Variants in MAP4 observed in about 807,000 individuals in gnomAD.
MAP4 encodes microtubule associated protein 4.
MAP4 carries 76 observed loss-of-function variants against 170.2 expected under a neutral mutation model. The observed-to-expected ratio is 0.45, with a 90% CI of 0.37 to 0.54. The LOEUF (loss-of-function observed/expected upper bound fraction) is 0.54, where lower values mean the gene tolerates loss of function less well. Ranked by LOEUF, MAP4 falls within the 20% of genes least tolerant of loss-of-function variation. MAP4 has a pLI of 0.00. For missense variants in MAP4, 2,506 were observed against 2,748.0 expected, an observed-to-expected ratio of 0.91 and a Z score of 1.97; for synonymous variants, 909 against 994.5, an observed-to-expected ratio of 0.91 and a Z score of 1.62.
At chr3:48,059,293 T>C (rs77875715) in intron 1 of MAP4, among the ~76,000 whole-genome samples, 2,601 of 151,602 alleles carry the variant, frequency 0.017, 65 homozygotes, top group African/African-American at 0.05. Flanking sequence ...GGTGGGGAGA[T>C]TGCCTGAGCT....
intron 2 of MAP4, among the ~76,000 whole-genome samples, chr3:47,979,122 T>C (rs899512979): frequency 3.9e-5 from 6 of 152,128 alleles, no homozygotes; most frequent in African/African-American, 1.4e-4. Context: ...TTACATTTCA[T>C]ATTGAGGCCT....
intron 3 of MAP4, among the ~76,000 whole-genome samples, chr3:47,937,973 T>TTTA (rs942732322): frequency 1.3e-5 from 2 of 151,458 alleles, no homozygotes; most frequent in African/African-American, 2.4e-5. Flanking sequence ...TTTTTCTTCT[T>TTTA]TTATTATTAT....
At chr3:47,857,599 T>TAAA in intron 17 of MAP4, 87 bp from the exon 18 acceptor site, 1 of 895,936 alleles carries the variant, frequency 1.1e-6, no homozygotes, top group South Asian at 1.4e-5. Flanking sequence ...CTTCTCCATG[T>TAAA]TCAGGGTTTC....
At chr3:47,902,881 G>A in intron 10 of MAP4, 69 bp downstream of exon 10, 1 of 636,844 alleles carries the variant, frequency 1.6e-6, no homozygotes, top group Non-Finnish European at 2.0e-6. Context: ...TTATGTACAA[G>A]GGCCTTGAAA....
In MAP4 at chr3:48,050,258, C is replaced by CA. The variant is rs11345368; in HGVS notation, c.-20+38514dup. ...CTGGCAAAAGAGCGAGACTCCATCT[C>CA]AAAAAAAAAAAAAAAATAGTAAAGT... is the stretch of plus-strand genomic sequence containing the variant. On this transcript the variant is annotated intron_variant, in intron 1 of 18. Coordinates refer to the MAP4 transcript ENST00000360240. Among the ~76,000 whole-genome samples the CA allele has an allele frequency of 3.2e-3, 384 of 120,568 alleles. 3 individuals carry two copies. Among genetic ancestry groups the CA allele is most frequent in the African/African-American group, 0.011 (316 of 30,018 alleles). 79.1% of individuals were successfully genotyped at this position (120,568 alleles called of 152,430 possible).
chr3:47,896,724 C>T (rs963888451), intron 10 of MAP4, among the ~76,000 whole-genome samples: 1 of 152,146 alleles, frequency 6.6e-6, no homozygotes, highest in African/African-American at 2.4e-5. Context: ...AAAACAACCA[C>T]TACTACTCAC....
At chr3:48,069,832 T>C (rs576622369) in intron 1 of MAP4, among the ~76,000 whole-genome samples, 8 of 152,346 alleles carry the variant, frequency 5.3e-5, no homozygotes, top group Non-Finnish European at 8.8e-5. Context: ...TCAGAGAACC[T>C]CATTATCGGT....
At position 48,055,585 on chromosome 3, in the gene MAP4, CT is replaced by C. The variant is rs1441535731; in HGVS notation, c.-20+33187del. On this transcript the variant is annotated intron_variant, in intron 1 of 18. Coordinates refer to the MAP4 transcript ENST00000360240. The stretch of plus-strand genomic sequence containing the variant: ...ACACCTCCCAGCCGCCTGCCTTGGC[CT>C]CCCAAAGTGCCGAGATTGCAGCCTC... 1.2e-3 allele frequency among the ~76,000 whole-genome samples: 160 copies of C among 137,920 alleles called. 3 individuals carry two copies. The highest frequency in any genetic ancestry group is 1.6e-4 in the Non-Finnish European group (10 of 63,226). The allele number at this position is 137,920 out of a possible 152,430, so 90.5% of individuals were successfully genotyped here. A position where few individuals can be genotyped will look rare whatever the true frequency, so the allele number is the denominator to read the frequency against.
At chr3:48,011,356 C>G (rs2100105152) in intron 1 of MAP4, among the ~76,000 whole-genome samples, 1 of 152,048 alleles carries the variant, frequency 6.6e-6, no homozygotes, top group East Asian at 1.9e-4. Context: ...CAGTAAAACC[C>G]TATCTCTACT....
rs1362946635 is a variant in MAP4, at chr3:47,911,942, A to T, written c.2479T>A (p.Ser827Thr). ...CATTCCCTTTTCAAGTTTTCTCCAG[A>T]TACAAGTCCATATTCTGTACCCATA... ...TTMGTEYGLV[S>T]GENLKRECLV... Residue 827 changes from serine to threonine, a missense_variant, in exon 9 of 21, where the codon TCT becomes ACT. By Grantham distance (58) the Ser-to-Thr change is moderately conservative. Transcript: ENST00000683076. This position sits in a 1 kb window ranked among gnomAD's most constrained non-coding sequence, Gnocchi z 4.0. The T allele has an allele frequency of 6.5e-7, 1 of 1,536,092 alleles. No homozygotes were observed. Among genetic ancestry groups the T allele is most frequent in the East Asian group, 2.4e-5 (1 of 40,928 alleles).
At chr3:48,073,385 T>G (rs1218210569) in intron 1 of MAP4, among the ~76,000 whole-genome samples, 1 of 148,472 alleles carries the variant, frequency 6.7e-6, no homozygotes, top group Non-Finnish European at 1.5e-5. Flanking sequence ...CTGAGGCGGG[T>G]GGGATCACCT....
intron 3 of MAP4, among the ~76,000 whole-genome samples, chr3:47,947,804 C>CAAAAA: frequency 2.0e-5 from 1 of 50,410 alleles, no homozygotes; most frequent in Non-Finnish European, 4.1e-5. Context: ...GAGAGAGTCT[C>CAAAAA]AAAAAAAAAA....
At chr3:47,917,953 C>A (rs926873027) in intron 6 of MAP4, among the ~76,000 whole-genome samples, 1 of 152,052 alleles carries the variant, frequency 6.6e-6, no homozygotes, top group African/African-American at 2.4e-5. Flanking sequence ...GTCTCAGCCT[C>A]CCTAGTAGCT....
chr3:47,991,029 A>G (rs1350385013), intron 2 of MAP4, among the ~76,000 whole-genome samples: 2 of 152,224 alleles, frequency 1.3e-5, no homozygotes, highest in Non-Finnish European at 2.9e-5. Flanking sequence ...AGAAGCAAGA[A>G]TAAGTTGAAG....
chr3:47,958,857 T>C (rs2100069526), intron 3 of MAP4, among the ~76,000 whole-genome samples: 1 of 152,066 alleles, frequency 6.6e-6, no homozygotes, highest in Non-Finnish European at 1.5e-5. Flanking sequence ...CTAATTTTTG[T>C]ATTTTTAGTA....
intron 5 of MAP4, 82 bp downstream of exon 5, chr3:47,921,683 G>A (rs542541327): frequency 6.4e-5 from 48 of 750,718 alleles, no homozygotes; most frequent in South Asian, 4.1e-4. Context: ...TTGTCACAGA[G>A]CCCTAGTCAG....
chr3:47,982,990 C>T (rs376249003), intron 2 of MAP4, among the ~76,000 whole-genome samples: 2 of 152,062 alleles, frequency 1.3e-5, no homozygotes, highest in African/African-American at 2.4e-5. Context: ...CTCTGTCTCC[C>T]GGGTTCAAGC....
At chr3:47,880,349 C>CCA (rs764663310) in intron 10 of MAP4, among the ~76,000 whole-genome samples, 7 of 149,288 alleles carry the variant, frequency 4.7e-5, no homozygotes, top group Non-Finnish European at 8.9e-5. Context: ...ACCTCGTGAT[C>CCA]CACCTGCCTC....
At chr3:48,010,397 C>T (rs2100104620) in intron 1 of MAP4, among the ~76,000 whole-genome samples, 1 of 152,124 alleles carries the variant, frequency 6.6e-6, no homozygotes, top group Non-Finnish European at 1.5e-5. Flanking sequence ...TTTATATTTC[C>T]TTTTCCTTTA....
Sources: allele counts gnomAD v4.1 joint callset (sites outside exome capture counted in the v4.1 genomes callset), GRCh38; gene constraint gnomAD v4.1.1; non-coding constraint Gnocchi (gnomAD v3.1); transcripts MANE v1.5; gene names NCBI Gene and HGNC (gene_info 2026-07-23, HGNC 2026-07-21).